PRRC1: variants seen among roughly 807,000 people sequenced by gnomAD.
PRRC1 encodes proline rich coiled-coil 1, also known as protein PRRC1.
In PRRC1, 39 loss-of-function variants were observed where a neutral mutation model predicts 40.7. The observed-to-expected ratio is 0.96, with a 90% CI of 0.74 to 1.25. The LOEUF (loss-of-function observed/expected upper bound fraction) is 1.25, where lower values mean the gene tolerates loss of function less well. PRRC1 is among the 50% of genes most tolerant of loss of function. The pLI is 0.00. For missense variants in PRRC1, 573 were observed against 548.3 expected (o/e 1.05, Z -0.45); for synonymous variants, 175 against 193.3 (o/e 0.91, Z 0.79).
Position 127,553,473 on chromosome 5 carries a change from C to T in PRRC1, c.*1557C>T. The T allele has an allele frequency of 8.8e-7, 1 of 1,132,138 alleles. No individual in the cohort carries two copies. Among genetic ancestry groups the T allele is most frequent in the East Asian group, 7.7e-5 (1 of 13,000 alleles). 70.1% of individuals were successfully genotyped at this position (1,132,138 alleles called of 1,614,324 possible). On this transcript the variant is annotated 3_prime_UTR_variant, in exon 9 of 9. Coordinates refer to ENST00000296666, the MANE Select transcript of PRRC1 (RefSeq NM_130809.5). ...TACTTTTGTCCAGGAGTAACAGGGA[C>T]AGAATACTTTCTTTCTTTCCTTCAA...
intron 1 of PRRC1, among the ~76,000 whole-genome samples, chr5:127,518,379 C>G (rs1267414761): frequency 6.6e-6 from 1 of 152,230 alleles, no homozygotes; most frequent in African/African-American, 2.4e-5. Flanking sequence ...TTTGTTTGGT[C>G]TTGGGACCTG....
chr5:127,525,621 G>A (rs1767597251), intron 3 of PRRC1, among the ~76,000 whole-genome samples: 1 of 152,174 alleles, frequency 6.6e-6, no homozygotes, highest in African/African-American at 2.4e-5. Flanking sequence ...CTTATTAGCA[G>A]TGGGCGGGGT....
intron 1 of PRRC1, chr5:127,518,083 A>G (rs1270598395): frequency 1.3e-5 from 2 of 152,406 alleles, no homozygotes; most frequent in East Asian, 3.9e-4. Context: ...CCAAGGACCA[A>G]GGCAGGAGCG....
intron 7 of PRRC1, among the ~76,000 whole-genome samples, chr5:127,542,592 C>T (rs1301409320): frequency 6.6e-6 from 1 of 151,248 alleles, no homozygotes; most frequent in Admixed American, 6.6e-5. Flanking sequence ...GGATAGTTAG[C>T]TCTTCTTGTT....
Position 127,524,715 on chromosome 5 carries a change from A to G in PRRC1, c.288A>G (p.Pro96=), listed in dbSNP as rs765300302. 2 of 1,613,970 alleles carry G rather than the reference A, an allele frequency of 1.2e-6. No homozygotes were observed. Among genetic ancestry groups the G allele is most frequent in the South Asian group, 1.1e-5 (1 of 91,068 alleles). The change falls in exon 3 of 9, where the codon CCA becomes CCG. Residue 96 remains proline, a synonymous_variant. Coordinates refer to ENST00000296666, the MANE Select transcript of PRRC1 (RefSeq NM_130809.5). ...CTTCTATGCCACCTCCTGTTTCTCCATCAACTGCTGCTGCCTTCGGTAATC... is the reference window on the plus strand; with the variant it reads ...CTTCTATGCCACCTCCTGTTTCTCCGTCAACTGCTGCTGCCTTCGGTAATC... ...LVTSMPPPVS[P]STAAAFGNPP...
intron 7 of PRRC1, among the ~76,000 whole-genome samples, chr5:127,544,978 A>G (rs1744521369): frequency 1.3e-5 from 2 of 152,278 alleles, no homozygotes; most frequent in South Asian, 4.1e-4. Flanking sequence ...TGCGTCGCTC[A>G]CGCTGGGAGC....
At chr5:127,548,795 T>C (rs113997419) in intron 8 of PRRC1, 56 of 152,254 alleles carry the variant, frequency 3.7e-4, no homozygotes, top group African/African-American at 1.3e-3. Flanking sequence ...TATTACAGTT[T>C]AGAAAGGGGG....
At chr5:127,543,744 C>A (rs1348317524) in intron 7 of PRRC1, among the ~76,000 whole-genome samples, 1 of 152,188 alleles carries the variant, frequency 6.6e-6, no homozygotes, top group African/African-American at 2.4e-5. Flanking sequence ...AAGCACTTCT[C>A]TGTATTGGTT....
intron 7 of PRRC1, among the ~76,000 whole-genome samples, chr5:127,544,704 C>A (rs1272539235): frequency 6.6e-6 from 1 of 152,214 alleles, no homozygotes; most frequent in African/African-American, 2.4e-5. Context: ...ATATAATCTC[C>A]TGGTGCGCTG....
chr5:127,543,459 G>T (rs1340556262), intron 7 of PRRC1, among the ~76,000 whole-genome samples: 3 of 152,144 alleles, frequency 2.0e-5, no homozygotes, highest in East Asian at 3.8e-4. Context: ...ATAATATCCT[G>T]CAGAGTGTTT....
chr5:127,525,006 TTATG>T, intron 3 of PRRC1, 86 bp downstream of exon 3: 2 of 1,281,974 alleles, frequency 1.6e-6, no homozygotes, highest in East Asian at 5.1e-5. Flanking sequence ...GAGATATAAT[TTATG>T]TACTCTACAA....
Position 127,553,596 on chromosome 5 carries a change from A to G in PRRC1, c.*1680A>G. On this transcript the variant is annotated 3_prime_UTR_variant, in exon 9 of 9. Transcript: ENST00000296666. ...ATCATGGCAATGGCATGATGACAAC[A>G]ACAGTCTTTCATTACAGACTGAAGG... 3.7e-6 allele frequency: 5 copies of G among 1,337,442 alleles called. No individual in the cohort carries two copies. Among genetic ancestry groups the G allele is most frequent in the Non-Finnish European group, 3.8e-6 (4 of 1,042,260 alleles). The allele number at this position is 1,337,442 out of a possible 1,614,324, so 82.8% of individuals were successfully genotyped here.
rs1159251817 is a variant in PRRC1 at position 127,524,872 on chromosome 5, G to A, written c.445G>A (p.Ala149Thr). The part of the protein sequence containing the change: ...YDITRGHAGR[A>T]PQTPLMPSFS... ...CATTACAAGGGGACATGCTGGGAGA[G>A]CTCCCCAGACACCCCTGATGCCATC... The change falls in exon 3 of 9, where the codon GCT (alanine) becomes ACT (threonine). Residue 149 changes from alanine to threonine, a missense_variant. Physicochemically the swap from Ala to Thr is moderately conservative, Grantham distance 58 (BLOSUM62 0). Coordinates refer to ENST00000296666, the MANE Select transcript of PRRC1 (RefSeq NM_130809.5). 1.1e-5 allele frequency: 18 copies of A among 1,613,790 alleles called. No homozygotes were observed. The Admixed American group carries it at 3.0e-4, about 27-fold the overall frequency.
chr5:127,543,373 G>A (rs1196150197), intron 7 of PRRC1, among the ~76,000 whole-genome samples: 1 of 151,836 alleles, frequency 6.6e-6, no homozygotes, highest in Non-Finnish European at 1.5e-5. Flanking sequence ...TTCTTGAGGA[G>A]TATCTTTGTG....
At chr5:127,542,392 G>A (rs967783335) in intron 7 of PRRC1, among the ~76,000 whole-genome samples, 21 of 151,042 alleles carry the variant, frequency 1.4e-4, no homozygotes, top group African/African-American at 2.4e-4. Context: ...TATTAGGTCC[G>A]CTTGGTGCAG....
Position 127,551,758 on chromosome 5 carries a change from G to A in PRRC1, c.1180G>A (p.Val394Met), listed in dbSNP as rs1470567626. 6.2e-7 allele frequency: 1 copy of A among 1,614,076 alleles called. No homozygotes were observed. The highest frequency in any genetic ancestry group is 8.5e-7 in the Non-Finnish European group (1 of 1,179,980). Reference protein sequence around the residue: ...DYNLRWSGLLVTVGEVLEKSL... With the variant: ...DYNLRWSGLLMTVGEVLEKSL... ...TAATCTGAGGTGGTCAGGCCTTTTG[G>A]TGACAGTGGGTGAAGTCCTGGAAAA... Residue 394 changes from valine (V) to methionine (M), a missense_variant, in exon 9 of 9, where the codon GTG (valine) becomes ATG (methionine). Physicochemically the swap from Val to Met is conservative, Grantham distance 21. Transcript: ENST00000296666.
At position 127,551,710 on chromosome 5, in the gene PRRC1, C is replaced by G; in HGVS notation, c.1132C>G (p.Gln378Glu). The change falls in exon 9 of 9, where the codon CAA becomes GAA. Residue 378 changes from glutamine (Q) to glutamate (E), a missense_variant. Transcript: ENST00000296666. The part of the protein sequence containing the change: ...PVPLEFVQQA[Q>E]SLTPQDYNLR... ...TATCAATTTCATCTTTCCACAGGCT[C>G]AAAGTCTAACTCCCCAGGACTATAA... The G allele has an allele frequency of 6.2e-7, 1 of 1,614,000 alleles. No homozygotes were observed. Among genetic ancestry groups the G allele is most frequent in the Non-Finnish European group, 8.5e-7 (1 of 1,179,928 alleles).
At chr5:127,545,211 T>C (rs1768179947) in intron 7 of PRRC1, among the ~76,000 whole-genome samples, 1 of 151,800 alleles carries the variant, frequency 6.6e-6, no homozygotes. Flanking sequence ...AGTTCAACCA[T>C]TGTGGAAGTC....
At position 127,547,844 on chromosome 5, in the gene PRRC1, G is replaced by A; in HGVS notation, c.1051G>A (p.Val351Ile). 6.2e-7 allele frequency: 1 copy of A among 1,613,152 alleles called. No homozygotes were observed. Among genetic ancestry groups the A allele is most frequent in the Non-Finnish European group, 8.5e-7 (1 of 1,179,500 alleles). Reference sequence around the variant, plus strand: ...ATGGTTTGACATTGGTTGTTTGGTGGTTGAAGATCCTGTCCATGGCATTCA... The same window carrying A: ...ATGGTTTGACATTGGTTGTTTGGTGATTGAAGATCCTGTCCATGGCATTCA... ...DKWFDIGCLV[V>I]EDPVHGIHLE... is the part of the protein sequence containing the mutation. Residue 351 changes from valine (V) to isoleucine (I), a missense_variant, in exon 8 of 9, where the codon GTT becomes ATT. Transcript: ENST00000296666.
Sources: gnomAD v4.1 joint callset for allele counts (sites outside exome capture counted in the v4.1 genomes callset) on GRCh38, gnomAD v4.1.1 for gene constraint, MANE v1.5 for transcripts, NCBI Gene and HGNC (gene_info 2026-07-23, HGNC 2026-07-21) for gene names.